RNF217: variants seen among roughly 807,000 people sequenced by gnomAD.
The protein encoded by RNF217 is ring finger protein 217, also known as E3 ubiquitin-protein ligase RNF217.
Under a neutral mutation model 57.8 loss-of-function variants are expected in RNF217, and 31 were observed. The ratio of observed to expected loss-of-function variants is 0.54; its 90% CI spans 0.40 to 0.72. The LOEUF is 0.72. RNF217 is among the 30% of genes least tolerant of loss of function. The probability of loss-of-function intolerance (pLI) is 0.00; values close to 1 mark genes in which losing one functional copy is unlikely to be tolerated. For synonymous variants in RNF217, 313 were observed against 294.0 expected (o/e 1.06, Z -0.66); for missense variants, 696 against 708.3 (o/e 0.98, Z 0.20).
chr6:124,969,867 T>TG (rs894162764), intron 1 of RNF217, among the ~76,000 whole-genome samples: 9 of 151,932 alleles, frequency 5.9e-5, no homozygotes, highest in South Asian at 4.1e-4. Context: ...TCTATAGTTT[T>TG]GGGGGGGTTG....
intron 1 of RNF217, chr6:125,006,222 G>C (rs951765040): frequency 6.6e-6 from 1 of 152,150 alleles, no homozygotes; most frequent in African/African-American, 2.4e-5. Context: ...TGCAATAAAT[G>C]AAGAAAAATA....
At chr6:125,006,702 A>G (rs1346915409) in intron 1 of RNF217, among the ~76,000 whole-genome samples, 1 of 152,168 alleles carries the variant, frequency 6.6e-6, no homozygotes, top group Non-Finnish European at 1.5e-5. Context: ...TAATCCCAGC[A>G]CTTTGGGAGG....
chr6:125,017,298 ATTT>A (rs1785649229), intron 1 of RNF217, among the ~76,000 whole-genome samples: 1 of 152,126 alleles, frequency 6.6e-6, no homozygotes, highest in Non-Finnish European at 1.5e-5. Context: ...ACCATATTGT[ATTT>A]TTCATTTGCC....
rs1403848460 is a variant in RNF217, at chr6:125,089,467, T to G, written c.*6530T>G. ...TTTGTATATAAGATTCAATTATGGA[T>G]TCATGCTCTGTGAACATTGTTAGAT... On this transcript the variant is annotated 3_prime_UTR_variant, in exon 6 of 6. Coordinates refer to ENST00000521654, the MANE Select transcript of RNF217 (RefSeq NM_001286398.3). 6.6e-6 allele frequency: 1 copy of G among 152,188 alleles called. No individual in the cohort carries two copies. The highest frequency in any genetic ancestry group is 1.5e-5 in the Non-Finnish European group (1 of 68,014). The allele number at this position is 152,188 out of a possible 1,614,324, so 9.4% of individuals were successfully genotyped here.
chr6:125,082,435 T>A (rs891766898), intron 5 of RNF217: 2 of 1,587,438 alleles, frequency 1.3e-6, no homozygotes, highest in African/African-American at 2.7e-5. Context: ...GATATTATTA[T>A]CTGTATTATA....
intron 1 of RNF217, among the ~76,000 whole-genome samples, chr6:125,038,519 C>G (rs1786740408): frequency 6.6e-6 from 1 of 152,214 alleles, no homozygotes; most frequent in Admixed American, 6.5e-5. Context: ...AAGATTGGCT[C>G]TAAGTTGACA....
In RNF217 at chr6:125,042,665, G is replaced by A. The variant is rs140246907; in HGVS notation, c.883-2546G>A. ...TTGATTGGATGTTGGATGGTATCCC[G>A]ATGTGGTTGATTAACAAATACCCAC... On this transcript the variant is annotated intron_variant, in intron 1 of 5. Transcript: ENST00000521654. Among the ~76,000 whole-genome samples the A allele has an allele frequency of 2.9e-4, 44 of 152,142 alleles. No individual in the cohort carries two copies. In the East Asian group the frequency reaches 5.4e-3, roughly 19 times the overall value.
intron 1 of RNF217, among the ~76,000 whole-genome samples, chr6:125,035,960 C>A (rs186672817): frequency 1.2e-4 from 18 of 151,704 alleles, no homozygotes; most frequent in African/African-American, 4.1e-4. Context: ...GCAGAATGTG[C>A]AGGATTGTTA....
intron 3 of RNF217, among the ~76,000 whole-genome samples, chr6:125,063,577 C>T (rs908861393): frequency 1.3e-5 from 2 of 152,042 alleles, no homozygotes; most frequent in East Asian, 3.9e-4. Flanking sequence ...ATTGTCTCAT[C>T]CAAACTTCAG....
chr6:124,979,942 G>A (rs979127728), intron 1 of RNF217, among the ~76,000 whole-genome samples: 1 of 152,134 alleles, frequency 6.6e-6, no homozygotes, highest in South Asian at 2.1e-4. Context: ...CTGGATCTTT[G>A]CCTTTAAAAA....
intron 3 of RNF217, among the ~76,000 whole-genome samples, chr6:125,073,405 A>G (rs1442765189): frequency 1.3e-5 from 2 of 152,180 alleles, no homozygotes; most frequent in African/African-American, 2.4e-5. Flanking sequence ...GCCCCTTCTT[A>G]GGCCTTGTAT....
At position 124,999,814 on chromosome 6, in the gene RNF217, T is replaced by C. The variant is rs150839783; in HGVS notation, c.882+36388T>C. 1.8e-3 allele frequency among the ~76,000 whole-genome samples: 278 copies of C among 152,354 alleles called. 2 individuals carry two copies. The highest frequency in any genetic ancestry group is 3.3e-3 in the South Asian group (16 of 4,832). On this transcript the variant is annotated intron_variant, in intron 1 of 5. Transcript: ENST00000521654. ...TTAAAAAAAAATCCAGTTGTACTTT[T>C]CACATACTTTATACTTACTTATTTC...
At chr6:125,034,029 T>G (rs1350929211) in intron 1 of RNF217, among the ~76,000 whole-genome samples, 1 of 151,998 alleles carries the variant, frequency 6.6e-6, no homozygotes, top group African/African-American at 2.4e-5. Context: ...TTTGCCCACT[T>G]TTTGATGGGG....
chr6:125,038,560 T>G (rs1270225344), intron 1 of RNF217, among the ~76,000 whole-genome samples: 1 of 152,196 alleles, frequency 6.6e-6, no homozygotes, highest in East Asian at 1.9e-4. Context: ...ATTTAAGGAT[T>G]CATAATACCC....
chr6:124,979,398 G>A (rs1784077852), intron 1 of RNF217, among the ~76,000 whole-genome samples: 2 of 152,324 alleles, frequency 1.3e-5, no homozygotes, highest in East Asian at 1.9e-4. Flanking sequence ...GGGTGTGCAA[G>A]TGACCATGAC....
intron 1 of RNF217, among the ~76,000 whole-genome samples, chr6:125,044,420 T>G (rs1208670326): frequency 6.6e-6 from 1 of 152,120 alleles, no homozygotes; most frequent in Non-Finnish European, 1.5e-5. Flanking sequence ...AATCTTTTAT[T>G]GTAATTTTTA....
intron 2 of RNF217, among the ~76,000 whole-genome samples, chr6:125,051,352 G>A (rs1787309116): frequency 6.6e-6 from 1 of 151,812 alleles, no homozygotes; most frequent in African/African-American, 2.4e-5. Context: ...GAGATCGTGT[G>A]TTAAAGTAGG....
At chr6:125,064,784 T>A (rs1008576809) in intron 3 of RNF217, among the ~76,000 whole-genome samples, 8 of 152,198 alleles carry the variant, frequency 5.3e-5, no homozygotes, top group African/African-American at 1.9e-4. Flanking sequence ...GTATATCACA[T>A]GTCATCTATA....
intron 1 of RNF217, among the ~76,000 whole-genome samples, 170 bp downstream of exon 1, chr6:124,963,596 T>G (rs1475773022): frequency 6.6e-6 from 1 of 152,252 alleles, no homozygotes; most frequent in African/African-American, 2.4e-5. Flanking sequence ...ATGACCTCAC[T>G]GGTTTACTTA....
Sources: gnomAD v4.1 joint callset for allele counts (sites outside exome capture counted in the v4.1 genomes callset) on GRCh38, gnomAD v4.1.1 for gene constraint, MANE v1.5 for transcripts, NCBI Gene and HGNC (gene_info 2026-07-23, HGNC 2026-07-21) for gene names.